The following DCC variants were observed in gnomAD, a reference collection of about 807,000 sequenced individuals.
DCC encodes netrin receptor DCC.
DCC carries 58 observed loss-of-function variants against 172.5 expected under a neutral mutation model. The ratio of observed to expected loss-of-function variants is 0.34; its 90% CI spans 0.27 to 0.42. DCC has a LOEUF of 0.42. Ranked by LOEUF, DCC falls within the 10% of genes least tolerant of loss-of-function variation. The pLI, the probability that DCC is intolerant of heterozygous loss-of-function variation, is 1.00. For synonymous variants in DCC, 709 were observed against 644.5 expected (o/e 1.10, Z -1.52); for missense variants, 1,740 against 1,791.0 (o/e 0.97, Z 0.51).
At chr18:53,203,043 A>G (rs1598901680) in intron 9 of DCC, among the ~76,000 whole-genome samples, 1 of 152,152 alleles carries the variant, frequency 6.6e-6, no homozygotes, top group Non-Finnish European at 1.5e-5. Context: ...CAAAATGCAG[A>G]TGAAGATTAG....
intron 27 of DCC, among the ~76,000 whole-genome samples, chr18:53,506,876 G>T (rs2046185607): frequency 7.0e-6 from 1 of 143,168 alleles, no homozygotes; most frequent in African/African-American, 2.6e-5. Flanking sequence ...AAAAAAAAAA[G>T]GAGGAGGAGT....
At chr18:53,051,771 A>G (rs1415457093) in intron 5 of DCC, among the ~76,000 whole-genome samples, 6 of 152,096 alleles carry the variant, frequency 3.9e-5, no homozygotes, top group South Asian at 2.1e-4. Flanking sequence ...TTCATCTTAT[A>G]TCTTATATAT....
At chr18:53,207,503 G>A (rs2055671739) in intron 10 of DCC, among the ~76,000 whole-genome samples, 176 bp from the exon 11 acceptor site, 1 of 152,174 alleles carries the variant, frequency 6.6e-6, no homozygotes, top group South Asian at 2.1e-4. Context: ...GGAGTCTACA[G>A]ATTAGTTGGT....
intron 8 of DCC, among the ~76,000 whole-genome samples, chr18:53,168,231 T>G (rs2054954001): frequency 6.6e-6 from 1 of 152,070 alleles, no homozygotes; most frequent in Non-Finnish European, 1.5e-5. Flanking sequence ...CCCAAAGGAT[T>G]ATAAATCATT....
intron 1 of DCC, among the ~76,000 whole-genome samples, chr18:52,679,041 G>A (rs1265728108): frequency 6.6e-6 from 1 of 151,926 alleles, no homozygotes; most frequent in African/African-American, 2.4e-5. Flanking sequence ...TATTGACCTA[G>A]GAGTGTAAGT....
At chr18:52,989,382 G>C (rs955653786) in intron 5 of DCC, among the ~76,000 whole-genome samples, 1 of 152,028 alleles carries the variant, frequency 6.6e-6, no homozygotes, top group African/African-American at 2.4e-5. Context: ...AATTAGCCGG[G>C]CATGGTAGCA....
At chr18:53,278,517 G>T (rs2056832163) in intron 12 of DCC, among the ~76,000 whole-genome samples, 2 of 152,040 alleles carry the variant, frequency 1.3e-5, no homozygotes. Flanking sequence ...TGAGGTAGAG[G>T]TAAAACAGGA....
intron 8 of DCC, among the ~76,000 whole-genome samples, chr18:53,158,988 C>CA (rs558049091): frequency 0.33 from 17,241 of 52,004 alleles, 2,126 homozygotes; most frequent in African/African-American, 0.45. Flanking sequence ...GACGCCATCT[C>CA]AAAAAAAAAA....
At chr18:53,337,773 T>A (rs1051927733) in intron 14 of DCC, among the ~76,000 whole-genome samples, 3 of 152,204 alleles carry the variant, frequency 2.0e-5, no homozygotes, top group African/African-American at 7.2e-5. Flanking sequence ...CTTCTATCTA[T>A]CACTTAAGCT....
intron 5 of DCC, among the ~76,000 whole-genome samples, chr18:52,969,929 G>A (rs545764734): frequency 6.6e-6 from 1 of 152,178 alleles, no homozygotes; most frequent in African/African-American, 2.4e-5. Context: ...CATTTTTACA[G>A]AGTGAAAGCT....
intron 2 of DCC, chr18:52,809,567 A>C (rs1417537132): frequency 6.5e-6 from 1 of 153,214 alleles, no homozygotes; most frequent in Non-Finnish European, 1.5e-5. Flanking sequence ...CGGGAGTGGC[A>C]ATGGGCGACT....
chr18:53,290,793 T>G (rs2144748783), intron 12 of DCC, among the ~76,000 whole-genome samples: 1 of 152,316 alleles, frequency 6.6e-6, no homozygotes, highest in East Asian at 1.9e-4. Flanking sequence ...AGGAAGAAGT[T>G]GATTTGCAAT....
intron 9 of DCC, among the ~76,000 whole-genome samples, chr18:53,180,905 G>A (rs988478975): frequency 3.3e-5 from 5 of 151,988 alleles, no homozygotes; most frequent in South Asian, 2.1e-4. Context: ...GAGCCATCGC[G>A]CCCAGCCCAA....
intron 5 of DCC, among the ~76,000 whole-genome samples, chr18:52,942,646 A>G (rs936361921): frequency 1.3e-5 from 2 of 152,184 alleles, no homozygotes; most frequent in Non-Finnish European, 2.9e-5. Flanking sequence ...TGATAAAACC[A>G]TCAGATCTTG....
chr18:53,508,442 C>A (rs1470548669), intron 27 of DCC, among the ~76,000 whole-genome samples: 1 of 151,966 alleles, frequency 6.6e-6, no homozygotes, highest in African/African-American at 2.4e-5. Flanking sequence ...ATTTACCCAC[C>A]TCACTCTCCC....
chr18:53,497,778 A>G (rs1426048448), intron 26 of DCC, among the ~76,000 whole-genome samples: 3 of 152,174 alleles, frequency 2.0e-5, no homozygotes, highest in Non-Finnish European at 1.5e-5. Flanking sequence ...GTTTACTTGC[A>G]GCCCTACACT....
intron 27 of DCC, among the ~76,000 whole-genome samples, chr18:53,506,359 G>T (rs149498471): frequency 6.2e-4 from 94 of 152,264 alleles, no homozygotes; most frequent in Middle Eastern, 3.4e-3. Flanking sequence ...CAGATACGAT[G>T]AAATAACTTA....
intron 1 of DCC, among the ~76,000 whole-genome samples, chr18:52,390,707 A>G (rs1464823778): frequency 1.3e-5 from 2 of 152,098 alleles, no homozygotes; most frequent in Non-Finnish European, 2.9e-5. Flanking sequence ...GAAGAAATGC[A>G]GCATCCTGAG....
At chr18:53,476,952 G>A (rs1007377566) in intron 25 of DCC, among the ~76,000 whole-genome samples, 1 of 152,024 alleles carries the variant, frequency 6.6e-6, no homozygotes, top group African/African-American at 2.4e-5. Context: ...GCTGTTTGTT[G>A]GTGAAACTGT....
Sources: allele counts gnomAD v4.1 joint callset (sites outside exome capture counted in the v4.1 genomes callset), GRCh38; gene constraint gnomAD v4.1.1; transcripts MANE v1.5; gene names NCBI Gene and HGNC (gene_info 2026-07-23, HGNC 2026-07-21).